Variants in LTBP1 observed in about 807,000 individuals in gnomAD.
The protein encoded by LTBP1 is latent-transforming growth factor beta-binding protein 1.
In LTBP1, 129 loss-of-function variants were observed where a neutral mutation model predicts 207.6. The observed-to-expected ratio is 0.62, with a 90% CI of 0.54 to 0.72. The LOEUF (loss-of-function observed/expected upper bound fraction) is 0.72, where lower values mean the gene tolerates loss of function less well. Ranked by LOEUF, LTBP1 falls within the 30% of genes least tolerant of loss-of-function variation. The probability of loss-of-function intolerance (pLI) is 0.00; values close to 1 mark genes in which losing one functional copy is unlikely to be tolerated. For synonymous variants in LTBP1, 963 were observed against 833.7 expected (o/e 1.16, Z -2.67); for missense variants, 2,281 against 2,217.2 (o/e 1.03, Z -0.58).
At chr2:33,257,615 C>T (rs1461647256) in intron 12 of LTBP1, 104 bp downstream of exon 12, 118 of 931,756 alleles carry the variant, frequency 1.3e-4, no homozygotes, top group Non-Finnish European at 1.9e-4. Flanking sequence ...AGCCTAAGCA[C>T]TATTGGCATT....
At chr2:33,384,740 C>G (rs2095251046) in intron 31 of LTBP1, among the ~76,000 whole-genome samples, 1 of 152,214 alleles carries the variant, frequency 6.6e-6, no homozygotes, top group South Asian at 2.1e-4. Context: ...ATCTGCTATT[C>G]TTGGGCTCTG....
chr2:33,223,628 A>G (rs1032980984), intron 9 of LTBP1, among the ~76,000 whole-genome samples: 4 of 152,218 alleles, frequency 2.6e-5, no homozygotes, highest in African/African-American at 9.6e-5. Flanking sequence ...TTATTGTTTT[A>G]TAGATTTGGA....
At position 33,325,936 on chromosome 2, in the gene LTBP1, C is replaced by A. The variant is rs112317435; in HGVS notation, c.3730+10667C>A. Among the ~76,000 whole-genome samples the A allele has an allele frequency of 3.2e-3, 489 of 152,048 alleles. 1 individual carries two copies. The highest frequency in any genetic ancestry group is 0.011 in the African/African-American group (459 of 41,508). Reference sequence around the variant, plus strand: ...ATAACAAATTCAAACCTTCCTCATACACTTTTTCTGTTTTATAACACTGTC... The same window carrying A: ...ATAACAAATTCAAACCTTCCTCATAAACTTTTTCTGTTTTATAACACTGTC... On this transcript the variant is annotated intron_variant, in intron 24 of 33. Coordinates refer to ENST00000404816, the MANE Select transcript of LTBP1 (RefSeq NM_206943.4).
Position 33,110,768 on chromosome 2 carries a change from C to T in LTBP1, c.1033+17C>T. The T allele has an allele frequency of 1.9e-6, 3 of 1,607,598 alleles. No individual in the cohort carries two copies. The highest frequency in any genetic ancestry group is 1.3e-5 in the African/African-American group (1 of 74,952). On this transcript the variant is annotated intron_variant, in intron 4 of 33. Transcript: ENST00000404816. ...CTTTTCAGCGTGAGTATAGTCTTAT[C>T]AACCATTTTCCCAAGTTATGGTATC...
chr2:33,193,267 G>T (rs972772993), intron 7 of LTBP1, among the ~76,000 whole-genome samples: 1 of 151,934 alleles, frequency 6.6e-6, no homozygotes, highest in Admixed American at 6.6e-5. Context: ...TCAGCCTCCC[G>T]AGTGGCTGGA....
intron 2 of LTBP1, among the ~76,000 whole-genome samples, chr2:32,959,605 A>ATATG (rs1420707027): frequency 2.4e-5 from 1 of 41,782 alleles, no homozygotes; most frequent in Non-Finnish European, 4.8e-5. Flanking sequence ...GTGTATATAT[A>ATATG]TATATATATA....
At chr2:33,048,949 A>G (rs2076585571) in intron 3 of LTBP1, among the ~76,000 whole-genome samples, 1 of 152,238 alleles carries the variant, frequency 6.6e-6, no homozygotes, top group Non-Finnish European at 1.5e-5. Context: ...TCTGCATGAT[A>G]TTTAGCTATG....
At chr2:33,173,627 AAG>A (rs199613875) in intron 5 of LTBP1, among the ~76,000 whole-genome samples, 71,080 of 150,216 alleles carry the variant, frequency 0.47, 17,023 homozygotes, top group Non-Finnish European at 0.51. Context: ...TCAATGGAAA[AAG>A]AGGGAATCCT....
chr2:33,258,689 G>A (rs766929247), intron 12 of LTBP1, among the ~76,000 whole-genome samples: 5 of 152,184 alleles, frequency 3.3e-5, no homozygotes, highest in Admixed American at 6.5e-5. Flanking sequence ...GACCTTCTTC[G>A]TGGTAGGTTA....
intron 24 of LTBP1, among the ~76,000 whole-genome samples, chr2:33,326,640 A>ATTTATTTATTTATTT (rs2094431007): frequency 6.2e-5 from 9 of 144,590 alleles, no homozygotes; most frequent in Non-Finnish European, 1.2e-4. Context: ...TGAGGGATAT[A>ATTTATTTATTTATTT]ATTTATTTAT....
intron 5 of LTBP1, among the ~76,000 whole-genome samples, chr2:33,172,330 C>CA (rs1301444109): frequency 2.0e-5 from 3 of 151,428 alleles, no homozygotes; most frequent in East Asian, 1.9e-4. Flanking sequence ...AAATGGAAAA[C>CA]AAAAAAAGGC....
At chr2:33,242,572 AT>A (rs11388878) in intron 9 of LTBP1, among the ~76,000 whole-genome samples, 13 of 148,566 alleles carry the variant, frequency 8.8e-5, no homozygotes, top group South Asian at 4.2e-4. Context: ...ACCAGCTGTG[AT>A]TTTTTTTTCC....
intron 5 of LTBP1, among the ~76,000 whole-genome samples, chr2:33,178,695 A>G (rs114450069): frequency 6.6e-6 from 1 of 152,140 alleles, no homozygotes; most frequent in South Asian, 2.1e-4. Flanking sequence ...GTAATGTCCT[A>G]TTTGCTTGAA....
At position 33,134,978 on chromosome 2, in the gene LTBP1, C is replaced by T. The variant is rs2082026699; in HGVS notation, c.1201+18C>T. On this transcript the variant is annotated intron_variant, in intron 5 of 33. Transcript: ENST00000404816. The surrounding 1 kb of genome is among the most constrained non-coding windows in gnomAD (Gnocchi z 4.4). ...CCGAGTGGGTGAGTTCCTCCACGGT[C>T]CCTAACTGTCCTTACTGAGTCGAGT... is the stretch of plus-strand genomic sequence containing the variant. 2 of 1,587,682 alleles carry T rather than the reference C, an allele frequency of 1.3e-6. No individual in the cohort carries two copies. The highest frequency in any genetic ancestry group is 1.7e-6 in the Non-Finnish European group (2 of 1,166,614).
intron 3 of LTBP1, among the ~76,000 whole-genome samples, chr2:33,072,560 C>G (rs2077844147): frequency 6.6e-6 from 1 of 152,100 alleles, no homozygotes; most frequent in Non-Finnish European, 1.5e-5. Flanking sequence ...AGGGGGATAT[C>G]TGAGTATGTT....
chr2:33,348,238 A>G (rs923141258), intron 26 of LTBP1, among the ~76,000 whole-genome samples: 2 of 152,154 alleles, frequency 1.3e-5, no homozygotes, highest in African/African-American at 4.8e-5. Context: ...AGTTTTATCC[A>G]TGCTTCCATA....
intron 9 of LTBP1, among the ~76,000 whole-genome samples, chr2:33,229,967 A>C (rs779502376): frequency 6.6e-6 from 1 of 152,236 alleles, no homozygotes; most frequent in African/African-American, 2.4e-5. Context: ...TCATTCAGTA[A>C]ATCTATTGAA....
At chr2:33,385,795 A>C (rs771697428) in intron 31 of LTBP1, among the ~76,000 whole-genome samples, 7 of 152,100 alleles carry the variant, frequency 4.6e-5, no homozygotes, top group Non-Finnish European at 7.4e-5. Flanking sequence ...AAAATAATTC[A>C]AAATACATTT....
chr2:32,994,702 G>A (rs1439826257), intron 2 of LTBP1, among the ~76,000 whole-genome samples: 6 of 152,070 alleles, frequency 3.9e-5, no homozygotes, highest in African/African-American at 1.4e-4. Flanking sequence ...CCTGACCTCA[G>A]ATGATCCACC....
Sources: gnomAD v4.1 joint callset for allele counts (sites outside exome capture counted in the v4.1 genomes callset) on GRCh38, gnomAD v4.1.1 for gene constraint, Gnocchi (gnomAD v3.1) non-coding constraint, MANE v1.5 for transcripts, NCBI Gene and HGNC (gene_info 2026-07-23, HGNC 2026-07-21) for gene names.